Variants in PCDH15 observed in about 807,000 individuals in gnomAD.
PCDH15 encodes the protein protocadherin related 15.
PCDH15 carries 129 observed loss-of-function variants against 178.5 expected under a neutral mutation model. The ratio of observed to expected loss-of-function variants is 0.72; its 90% CI spans 0.63 to 0.84. The LOEUF (loss-of-function observed/expected upper bound fraction) is 0.84, where lower values mean the gene tolerates loss of function less well. Ranked by LOEUF, PCDH15 falls within the 40% of genes least tolerant of loss-of-function variation. The pLI is 0.00. For synonymous variants in PCDH15, 800 were observed against 732.0 expected, an observed-to-expected ratio of 1.09 and a Z score of -1.50; for missense variants, 2,230 against 2,099.9, an observed-to-expected ratio of 1.06 and a Z score of -1.21.
intron 31 of PCDH15, 57 bp downstream of exon 31, chr10:53,828,508 C>T (rs371200769): frequency 5.1e-4 from 711 of 1,396,904 alleles, no homozygotes; most frequent in Non-Finnish European, 6.7e-4. Context: ...GATATAATCT[C>T]GGGTTTCTCT....
chr10:55,521,975 C>T (rs913247845), intron 2 of PCDH15, among the ~76,000 whole-genome samples: 1 of 151,826 alleles, frequency 6.6e-6, no homozygotes, highest in African/African-American at 2.4e-5. Flanking sequence ...CAAGTATAGT[C>T]TCTACTGAAT....
intron 1 of PCDH15, among the ~76,000 whole-genome samples, chr10:55,208,062 ATATTC>A (rs1295486680): frequency 1.3e-5 from 2 of 152,178 alleles, no homozygotes; most frequent in African/African-American, 4.8e-5. Flanking sequence ...AGATGCTTGA[ATATTC>A]TATAATTTCA....
At chr10:55,535,046 G>A (rs1841540225) in intron 2 of PCDH15, among the ~76,000 whole-genome samples, 1 of 151,938 alleles carries the variant, frequency 6.6e-6, no homozygotes, top group African/African-American at 2.4e-5. Flanking sequence ...CAGATGCTGC[G>A]GACTAGTAGA....
In PCDH15 at chr10:55,405,283, G is replaced by GATATATATAT. The variant is rs72121105; in HGVS notation, c.-156+222332_-156+222341dup. Among the ~76,000 whole-genome samples, 893 of 108,046 alleles carry GATATATATAT rather than the reference G, an allele frequency of 8.3e-3. 45 individuals are homozygous for GATATATATAT. The highest frequency in any genetic ancestry group is 0.026 in the African/African-American group (728 of 28,546). The allele number at this position is 108,046 out of a possible 152,430, so 70.9% of individuals were successfully genotyped here. On this transcript the variant is annotated intron_variant, in intron 2 of 5. Transcript: ENST00000613346. ...TGTGTATATGTAGTGTGAGGTAACA[G>GATATATATAT]ATATATATATATATATATATACAAT... is the stretch of plus-strand genomic sequence containing the variant.
At chr10:55,473,765 T>C (rs1840011324) in intron 2 of PCDH15, among the ~76,000 whole-genome samples, 1 of 152,180 alleles carries the variant, frequency 6.6e-6, no homozygotes, top group Admixed American at 6.5e-5. Context: ...TGGTATGCTT[T>C]TTCTCTAATA....
intron 2 of PCDH15, chr10:55,468,533 T>C (rs1321845172): frequency 2.6e-5 from 4 of 152,168 alleles, no homozygotes; most frequent in Non-Finnish European, 4.4e-5. Flanking sequence ...TTATAGAACT[T>C]ACTTTGATTC....
intron 21 of PCDH15, among the ~76,000 whole-genome samples, chr10:53,965,042 G>C (rs1331024770): frequency 6.8e-6 from 1 of 147,484 alleles, no homozygotes; most frequent in African/African-American, 2.5e-5. Context: ...TTCAGAAGTT[G>C]GTATTAATAG....
At chr10:55,556,823 T>C (rs1231235951) in intron 2 of PCDH15, among the ~76,000 whole-genome samples, 25 of 152,122 alleles carry the variant, frequency 1.6e-4, no homozygotes, top group Non-Finnish European at 2.9e-5. Flanking sequence ...CGTGGGAGAC[T>C]GTGTCTCAAA....
At chr10:55,072,583 C>A (rs889625515) in intron 2 of PCDH15, among the ~76,000 whole-genome samples, 58 of 152,122 alleles carry the variant, frequency 3.8e-4, no homozygotes, top group East Asian at 1.6e-3. Flanking sequence ...CAATAACAGG[C>A]TCTGAAATTG....
chr10:54,294,648 G>A (rs921273386), intron 8 of PCDH15, among the ~76,000 whole-genome samples: 1 of 151,858 alleles, frequency 6.6e-6, no homozygotes, highest in Non-Finnish European at 1.5e-5. Flanking sequence ...ATAATTGAAA[G>A]GTGTCCACCT....
chr10:54,211,898 T>C (rs925023658), intron 10 of PCDH15, among the ~76,000 whole-genome samples: 6 of 152,108 alleles, frequency 3.9e-5, no homozygotes, highest in African/African-American at 1.4e-4. Context: ...CCTTTGCTTA[T>C]TATGCCCTTG....
At chr10:55,379,539 A>C (rs995732384) in intron 2 of PCDH15, among the ~76,000 whole-genome samples, 3 of 152,202 alleles carry the variant, frequency 2.0e-5, no homozygotes, top group African/African-American at 7.2e-5. Context: ...TATTCCCTTT[A>C]AAAACACTAC....
intron 3 of PCDH15, among the ~76,000 whole-genome samples, chr10:54,840,969 A>C (rs1380020328): frequency 6.6e-6 from 1 of 151,842 alleles, no homozygotes; most frequent in Non-Finnish European, 1.5e-5. Flanking sequence ...ACAGCAGTAC[A>C]ATAATAGTAA....
At chr10:55,135,082 G>C (rs1838152642) in intron 2 of PCDH15, among the ~76,000 whole-genome samples, 1 of 152,056 alleles carries the variant, frequency 6.6e-6, no homozygotes. Flanking sequence ...TTGATAATTT[G>C]AAAAGACAAT....
At chr10:55,574,303 G>A (rs1307023052) in intron 2 of PCDH15, among the ~76,000 whole-genome samples, 1 of 151,942 alleles carries the variant, frequency 6.6e-6, no homozygotes, top group Non-Finnish European at 1.5e-5. Context: ...ATATTTCTAT[G>A]TCCTTGAAAC....
chr10:54,789,301 A>G (rs973345178), intron 1 of PCDH15, among the ~76,000 whole-genome samples: 42 of 151,872 alleles, frequency 2.8e-4, no homozygotes, highest in Admixed American at 1.4e-3. Flanking sequence ...TTACCCTATG[A>G]CTTGCTGAGA....
intron 2 of PCDH15, among the ~76,000 whole-genome samples, chr10:54,559,064 G>A (rs867262164): frequency 1.2e-4 from 18 of 151,908 alleles, no homozygotes; most frequent in Admixed American, 4.6e-4. Context: ...GTGAAATCTC[G>A]GGGAAGACAC....
chr10:55,600,315 G>T lies in PCDH15; in HGVS notation c.-156+27310C>A, dbSNP rs572615109. Among the ~76,000 whole-genome samples, 1,089 of 151,594 alleles carry T rather than the reference G, an allele frequency of 7.2e-3. 16 individuals carry two copies. Among genetic ancestry groups the T allele is most frequent in the African/African-American group, 0.026 (1,054 of 41,322 alleles). On this transcript the variant is annotated intron_variant, in intron 2 of 5. Transcript: ENST00000613346. The stretch of plus-strand genomic sequence containing the variant: ...GGAAGCAGAGCTTGCAGTGAGCGGA[G>T]ATGGTGCCACTGCACTCCAGCCTGA...
At chr10:55,517,184 A>G (rs934186243) in intron 2 of PCDH15, among the ~76,000 whole-genome samples, 7 of 152,104 alleles carry the variant, frequency 4.6e-5, no homozygotes, top group African/African-American at 1.4e-4. Flanking sequence ...AGTCAAATTT[A>G]ATAGTAAAAT....
Sources: gnomAD v4.1 joint callset for allele counts (sites outside exome capture counted in the v4.1 genomes callset) on GRCh38, gnomAD v4.1.1 for gene constraint, MANE v1.5 for transcripts, NCBI Gene and HGNC (gene_info 2026-07-23, HGNC 2026-07-21) for gene names.